Variants in BCL2 observed in about 807,000 individuals in gnomAD.
BCL2 encodes the protein apoptosis regulator Bcl-2.
BCL2 carries 1 observed loss-of-function variant against 14.2 expected under a neutral mutation model. The ratio of observed to expected loss-of-function variants is 0.07; its 90% CI spans 0.02 to 0.33. The LOEUF (loss-of-function observed/expected upper bound fraction) is 0.33. Among genes scored for constraint, BCL2 ranks in the 10% least tolerant of loss-of-function variants. BCL2 has a pLI of 0.99. For missense variants in BCL2, 247 were observed against 305.9 expected, an observed-to-expected ratio of 0.81 and a Z score of 1.44; for synonymous variants, 151 against 137.2, an observed-to-expected ratio of 1.10 and a Z score of -0.70.
chr18:63,209,141 C>G (rs1267582673), intron 2 of BCL2, among the ~76,000 whole-genome samples: 3 of 152,188 alleles, frequency 2.0e-5, no homozygotes, highest in African/African-American at 4.8e-5. Flanking sequence ...TAATTCTTGA[C>G]AGTGTGGTAG....
chr18:63,150,291 G>A (rs552881354), intron 2 of BCL2, among the ~76,000 whole-genome samples: 2 of 152,346 alleles, frequency 1.3e-5, no homozygotes, highest in South Asian at 2.1e-4. Context: ...GTGACCTGGT[G>A]GCAAGATGGC....
chr18:63,293,237 C>T (rs1047986333), intron 2 of BCL2, among the ~76,000 whole-genome samples: 1 of 152,210 alleles, frequency 6.6e-6, no homozygotes, highest in Non-Finnish European at 1.5e-5. Context: ...GACTGCACTG[C>T]CCAGGATGAA....
intron 2 of BCL2, among the ~76,000 whole-genome samples, chr18:63,157,995 C>T (rs921685424): frequency 4.4e-4 from 66 of 151,538 alleles, no homozygotes; most frequent in African/African-American, 1.6e-3. Flanking sequence ...CAAACATATA[C>T]AGAGTTCGGC....
At chr18:63,233,054 A>C (rs1157399549) in intron 2 of BCL2, among the ~76,000 whole-genome samples, 1 of 152,198 alleles carries the variant, frequency 6.6e-6, no homozygotes, top group African/African-American at 2.4e-5. Context: ...TTCCTGGTTC[A>C]TAGAGGACCT....
intron 2 of BCL2, among the ~76,000 whole-genome samples, chr18:63,231,315 C>T (rs1371627414): frequency 6.6e-6 from 1 of 151,788 alleles, no homozygotes; most frequent in Non-Finnish European, 1.5e-5. Context: ...TATGTCTTCT[C>T]TCTCACCACT....
Position 63,318,095 on chromosome 18 carries a change from T to C in BCL2, c.572A>G (p.Asp191Gly), listed in dbSNP as rs1913555979. Residue 191 changes from aspartate to glycine, a missense_variant, in exon 2 of 3, where the codon GAT becomes GGT. Physicochemically the swap from Asp to Gly is moderately conservative, Grantham distance 94. Around this residue, in one of 3 missense-constraint regions of BCL2, gnomAD observed 67 missense variants for 145.7 expected, o/e 0.46. Transcript: ENST00000333681. This position sits in a 1 kb window ranked among gnomAD's most constrained non-coding sequence, Gnocchi z 7.4. The stretch of plus-strand genomic sequence containing the variant: ...AAGTGCACCTACCCAGCCTCCGTTA[T>C]CCTGGATCCAGGTGTGCAGGTGCCG... ...LNRHLHTWIQ[D>G]NGGWDAFVEL... 1 of 1,613,908 alleles carries C rather than the reference T, an allele frequency of 6.2e-7. No homozygotes were observed. The highest frequency in any genetic ancestry group is 1.3e-5 in the African/African-American group (1 of 74,890).
intron 2 of BCL2, among the ~76,000 whole-genome samples, chr18:63,272,948 C>T (rs188485206): frequency 6.6e-6 from 1 of 151,272 alleles, no homozygotes; most frequent in Non-Finnish European, 1.5e-5. Context: ...TGTTGTAGAT[C>T]TCTTGGTAGT....
chr18:63,141,108 C>T (rs776703649), intron 2 of BCL2, among the ~76,000 whole-genome samples: 14 of 152,158 alleles, frequency 9.2e-5, no homozygotes, highest in South Asian at 2.1e-4. Flanking sequence ...CTCACTTCAC[C>T]CCTGGGACCT....
At chr18:63,227,598 A>T (rs1022293250) in intron 2 of BCL2, among the ~76,000 whole-genome samples, 1 of 152,250 alleles carries the variant, frequency 6.6e-6, no homozygotes, top group Non-Finnish European at 1.5e-5. Context: ...AAAACAGTGT[A>T]AGAAAAAGTC....
At chr18:63,257,768 T>C (rs1445569360) in intron 2 of BCL2, among the ~76,000 whole-genome samples, 1 of 152,114 alleles carries the variant, frequency 6.6e-6, no homozygotes, top group East Asian at 1.9e-4. Context: ...AGAAATGAGG[T>C]TTCCAAGAAT....
intron 2 of BCL2, among the ~76,000 whole-genome samples, chr18:63,146,443 C>T (rs564728263): frequency 2.6e-5 from 4 of 152,172 alleles, no homozygotes; most frequent in South Asian, 2.1e-4. Flanking sequence ...ACCATTTGAC[C>T]GTGGAAGTCT....
At chr18:63,174,820 CA>C (rs953107518) in intron 2 of BCL2, among the ~76,000 whole-genome samples, 9,455 of 72,286 alleles carry the variant, frequency 0.13, 291 homozygotes, top group African/African-American at 0.19. Flanking sequence ...GACTTTGTCT[CA>C]AAAAAAAAAA....
rs142629446 is a variant in BCL2, at chr18:63,220,179, G to A, written c.586-91420C>T. ...GGCTCGTGGATGAAAACTTTTGTAA[G>A]GGATGATAATTTTTTGTTTGAAAGA... On this transcript the variant is annotated intron_variant, in intron 2 of 2. Transcript: ENST00000333681. 1.8e-3 allele frequency among the ~76,000 whole-genome samples: 277 copies of A among 152,288 alleles called. 1 individual carries two copies. The highest frequency in any genetic ancestry group is 6.1e-3 in the African/African-American group (254 of 41,554).
intron 2 of BCL2, among the ~76,000 whole-genome samples, chr18:63,174,983 C>T (rs1915320557): frequency 6.6e-6 from 1 of 152,082 alleles, no homozygotes. Context: ...CCACACTGAC[C>T]CACAAATCCA....
At chr18:63,221,726 C>T (rs1207004632) in intron 2 of BCL2, among the ~76,000 whole-genome samples, 1 of 152,232 alleles carries the variant, frequency 6.6e-6, no homozygotes, top group Admixed American at 6.5e-5. Context: ...ACTCTGCCCA[C>T]TGCCTCAGAG....
chr18:63,300,884 T>G lies in BCL2; in HGVS notation c.585+17198A>C, dbSNP rs145178733. On this transcript the variant is annotated intron_variant, in intron 2 of 2. Transcript: ENST00000333681. ...CTCTAAAATAATTCTTTGAATAATTTACAGGCCTCCATTACCTCCTCTGTC... is the reference window on the plus strand; with the variant it reads ...CTCTAAAATAATTCTTTGAATAATTGACAGGCCTCCATTACCTCCTCTGTC... 2.4e-3 allele frequency among the ~76,000 whole-genome samples: 373 copies of G among 152,350 alleles called. 1 individual carries two copies. The highest frequency in any genetic ancestry group is 3.8e-3 in the Non-Finnish European group (256 of 68,042).
intron 2 of BCL2, among the ~76,000 whole-genome samples, chr18:63,256,899 T>C (rs1911493596): frequency 6.6e-6 from 1 of 151,862 alleles, no homozygotes; most frequent in Non-Finnish European, 1.5e-5. Context: ...AAGGTTGATC[T>C]AGGACAACCA....
In BCL2 at chr18:63,126,127, G is replaced by C. The variant is rs1913904116; in HGVS notation, c.*2498C>G. The stretch of plus-strand genomic sequence containing the variant: ...TTGGATATTCCATATTCATCACTTT[G>C]ACAATGTAAACCTTTCATAAAATAA... On this transcript the variant is annotated 3_prime_UTR_variant, in exon 3 of 3. Coordinates refer to ENST00000333681, the MANE Select transcript of BCL2 (RefSeq NM_000633.3). The C allele has an allele frequency of 4.7e-6, 1 of 214,582 alleles. No individual in the cohort carries two copies. Among genetic ancestry groups the C allele is most frequent in the African/African-American group, 2.3e-5 (1 of 44,186 alleles). The allele number at this position is 214,582 out of a possible 1,614,324, so 13.3% of individuals were successfully genotyped here. A position where few individuals can be genotyped will look rare whatever the true frequency, so the allele number is the denominator to read the frequency against.
intron 2 of BCL2, among the ~76,000 whole-genome samples, chr18:63,227,052 AC>A (rs201055539): frequency 0.022 from 3,290 of 152,150 alleles, 110 homozygotes; most frequent in Admixed American, 0.088. Context: ...AAAGATAAAA[AC>A]AAAAAAAAAT....
Sources: gnomAD v4.1 joint callset for allele counts (sites outside exome capture counted in the v4.1 genomes callset) on GRCh38, gnomAD v4.1.1 for gene constraint, gnomAD v4.1.1 regional missense constraint, Gnocchi (gnomAD v3.1) non-coding constraint, MANE v1.5 for transcripts, NCBI Gene and HGNC (gene_info 2026-07-23, HGNC 2026-07-21) for gene names.